Variants in PCDHGA1 observed in about 807,000 individuals in gnomAD.
PCDHGA1 encodes the protein protocadherin gamma subfamily A, 1, also known as protocadherin gamma-A1.
Under a neutral mutation model 58.0 loss-of-function variants are expected in PCDHGA1, and 32 were observed. That is an observed-to-expected ratio of 0.55 (90% confidence interval 0.42 to 0.74). The LOEUF (loss-of-function observed/expected upper bound fraction) is 0.74. Ranked by LOEUF, PCDHGA1 falls within the 30% of genes least tolerant of loss-of-function variation. The pLI is 0.00. For synonymous variants in PCDHGA1, 498 were observed against 501.1 expected (o/e 0.99, Z 0.08); for missense variants, 1,205 against 1,182.3 (o/e 1.02, Z -0.28).
In PCDHGA1 at chr5:141,486,157, AG is replaced by A. The variant is rs1562110605; in HGVS notation, c.2422-8649del. 1 of 1,614,208 alleles carries A rather than the reference AG, an allele frequency of 6.2e-7. No homozygotes were observed. Among genetic ancestry groups the A allele is most frequent in the Admixed American group, 1.7e-5 (1 of 60,026 alleles). On this transcript the variant is annotated intron_variant, in intron 1 of 3. Coordinates refer to ENST00000517417, the MANE Select transcript of PCDHGA1 (RefSeq NM_018912.3). This position sits in a 1 kb window ranked among gnomAD's most constrained non-coding sequence, Gnocchi z 5.0. ...TGCGGGCTCGCGATGGGGGTTCTCC[AG>A]CCATGGAGCAACATTGCAGCCTTCG...
At chr5:141,474,117 A>C (rs748431734) in intron 1 of PCDHGA1, among the ~76,000 whole-genome samples, 11 of 152,186 alleles carry the variant, frequency 7.2e-5, no homozygotes, top group Non-Finnish European at 1.2e-4. Context: ...ACAACAACGA[A>C]AATCTCAGAA....
At chr5:141,479,930 T>C (rs1355410974) in intron 1 of PCDHGA1, among the ~76,000 whole-genome samples, 15 of 152,218 alleles carry the variant, frequency 9.9e-5, no homozygotes, top group Non-Finnish European at 1.9e-4. Context: ...CAGTGCATCA[T>C]TGCTATCAAC....
At chr5:141,455,208 A>G (rs1450523873) in intron 1 of PCDHGA1, among the ~76,000 whole-genome samples, 1 of 151,996 alleles carries the variant, frequency 6.6e-6, no homozygotes, top group Non-Finnish European at 1.5e-5. Context: ...AACCAATAAG[A>G]GTTTTTAATG....
chr5:141,389,019 G>T, intron 1 of PCDHGA1: 3 of 1,614,000 alleles, frequency 1.9e-6, no homozygotes, highest in South Asian at 1.1e-5. Context: ...ACACAATGGA[G>T]AAGTGACTTG....
intron 1 of PCDHGA1, chr5:141,413,526 G>A: frequency 6.2e-7 from 1 of 1,613,936 alleles, no homozygotes; most frequent in Non-Finnish European, 8.5e-7. Context: ...TGGAAGACAG[G>A]GTGAAACTTT....
At chr5:141,466,871 T>G (rs1432611218) in intron 1 of PCDHGA1, among the ~76,000 whole-genome samples, 1 of 152,166 alleles carries the variant, frequency 6.6e-6, no homozygotes, top group Admixed American at 6.5e-5. Flanking sequence ...ATCCACACAT[T>G]TTTTTCATAA....
chr5:141,374,030 T>G, intron 1 of PCDHGA1: 1 of 1,430,454 alleles, frequency 7.0e-7, no homozygotes. Context: ...GCAAAAGTGA[T>G]GCAGATCTGT....
intron 1 of PCDHGA1, chr5:141,394,043 G>C (rs1431547996): frequency 6.2e-7 from 1 of 1,613,576 alleles, no homozygotes; most frequent in South Asian, 1.1e-5. Context: ...GGAAATATTT[G>C]GACCGAGAAA....
At chr5:141,421,813 G>A in intron 1 of PCDHGA1, 1 of 1,613,838 alleles carries the variant, frequency 6.2e-7, no homozygotes, top group Non-Finnish European at 8.5e-7. Flanking sequence ...TCCAGAGCTA[G>A]TACTGGAGGG....
chr5:141,442,894 C>T (rs1173211061), intron 1 of PCDHGA1, among the ~76,000 whole-genome samples: 1 of 152,204 alleles, frequency 6.6e-6, no homozygotes, highest in Non-Finnish European at 1.5e-5. Flanking sequence ...CCCTGCTTAT[C>T]ACTTCTCCTT....
chr5:141,374,558 G>C, intron 1 of PCDHGA1: 1 of 1,613,642 alleles, frequency 6.2e-7, no homozygotes, highest in Non-Finnish European at 8.5e-7. Context: ...GGAGGTCTAT[G>C]ACCCTGATGT....
chr5:141,388,985 C>T, intron 1 of PCDHGA1: 1 of 1,613,958 alleles, frequency 6.2e-7, no homozygotes, highest in South Asian at 1.1e-5. Flanking sequence ...TTGCTTTGCT[C>T]AAAGTCCGTG....
intron 2 of PCDHGA1, among the ~76,000 whole-genome samples, chr5:141,501,877 A>G (rs1267260445): frequency 1.3e-5 from 2 of 151,690 alleles, no homozygotes; most frequent in East Asian, 3.9e-4. Flanking sequence ...GCCTCCTTAC[A>G]CTCCTGATCA....
intron 1 of PCDHGA1, among the ~76,000 whole-genome samples, chr5:141,353,480 T>G (rs1305148453): frequency 6.6e-6 from 1 of 152,226 alleles, no homozygotes; most frequent in Non-Finnish European, 1.5e-5. Flanking sequence ...ATTAAGACTC[T>G]TAACACTTTG....
intron 1 of PCDHGA1, chr5:141,344,080 T>A: frequency 1.9e-6 from 3 of 1,610,900 alleles, no homozygotes; most frequent in Non-Finnish European, 1.7e-6. Flanking sequence ...CTGGCCCTGC[T>A]GTGCGCGCTC....
intron 1 of PCDHGA1, among the ~76,000 whole-genome samples, chr5:141,335,102 T>C (rs76787010): frequency 6.6e-6 from 1 of 152,228 alleles, no homozygotes; most frequent in Non-Finnish European, 1.5e-5. Flanking sequence ...TTGCTGTGTG[T>C]CTGTTGCATT....
chr5:141,366,780 C>G (rs1764797585), intron 1 of PCDHGA1: 1 of 1,584,650 alleles, frequency 6.3e-7, no homozygotes, highest in African/African-American at 1.4e-5. Flanking sequence ...TAAGGATGAC[C>G]AGAACATTTT....
At chr5:141,361,169 C>G in intron 1 of PCDHGA1, 2 of 1,613,908 alleles carry the variant, frequency 1.2e-6, no homozygotes, top group Non-Finnish European at 1.7e-6. Context: ...GATTGTGCAC[C>G]TGAAGTTATT....
intron 1 of PCDHGA1, chr5:141,372,300 G>A: frequency 2.5e-6 from 4 of 1,613,366 alleles, no homozygotes; most frequent in Non-Finnish European, 3.4e-6. Context: ...GGGCGACAGG[G>A]AGGCCGCCCG....
Sources: gnomAD v4.1 joint callset for allele counts (sites outside exome capture counted in the v4.1 genomes callset) on GRCh38, gnomAD v4.1.1 for gene constraint, Gnocchi (gnomAD v3.1) non-coding constraint, MANE v1.5 for transcripts, NCBI Gene and HGNC (gene_info 2026-07-23, HGNC 2026-07-21) for gene names.